Variants in PSME1 observed in about 807,000 individuals in gnomAD.
PSME1 encodes the protein proteasome activator subunit 1, also known as proteasome activator complex subunit 1.
A neutral mutation model predicts 38.4 loss-of-function variants in PSME1; 15 were observed. That is an observed-to-expected ratio of 0.39 (90% CI 0.26 to 0.60). The LOEUF is 0.60. Among genes scored for constraint, PSME1 ranks in the 20% least tolerant of loss-of-function variants. The probability of loss-of-function intolerance (pLI) is 0.53; values close to 1 mark genes in which losing one functional copy is unlikely to be tolerated. For missense variants in PSME1, 249 were observed against 305.6 expected, an observed-to-expected ratio of 0.81 and a Z score of 1.38; for synonymous variants, 106 against 106.8, an observed-to-expected ratio of 0.99 and a Z score of 0.05.
Position 24,136,293 on chromosome 14 carries a change from C to G in PSME1, c.31C>G (p.Gln11Glu), listed in dbSNP as rs867176547. ...CATGCTCAGGGTCCAGCCCGAGGCC[C>G]AAGCCAAGGTGAGCGCCGCGGGGTC... MAMLRVQPEA[Q>E]AKVDVFREDL... The change falls in exon 1 of 11, where the codon CAA becomes GAA. Residue 11 changes from glutamine to glutamate, a missense_variant. By Grantham distance (29) the Gln-to-Glu change is conservative. Transcript: ENST00000206451. The surrounding 1 kb of genome is among the most constrained non-coding windows in gnomAD (Gnocchi z 4.8). The G allele has an allele frequency of 6.5e-7, 1 of 1,528,450 alleles. No homozygotes were observed. Among genetic ancestry groups the G allele is most frequent in the Non-Finnish European group, 8.8e-7 (1 of 1,139,148 alleles). The allele number at this position is 1,528,450 out of a possible 1,614,324, so 94.7% of individuals were successfully genotyped here.
At position 24,138,460 on chromosome 14, in the gene PSME1, C is replaced by T. The variant is rs778822807; in HGVS notation, c.583-14C>T. 12 of 1,613,994 alleles carry T rather than the reference C, an allele frequency of 7.4e-6. No individual in the cohort carries two copies. The highest frequency in any genetic ancestry group is 1.6e-4 in the Middle Eastern group (1 of 6,084). ...GACACATGTAAGGTCAGGCCTGACC[C>T]GAGCTTCCCACAGGGTGATTATCGG... On this transcript the variant is annotated splice_polypyrimidine_tract_variant and intron_variant, in intron 9 of 10. Coordinates refer to ENST00000206451, the MANE Select transcript of PSME1 (RefSeq NM_006263.4).
Position 24,138,509 on chromosome 14 carries a change from G to A in PSME1, c.618G>A (p.Glu206=), listed in dbSNP as rs200480712. The A allele has an allele frequency of 1.1e-5, 17 of 1,614,030 alleles. No homozygotes were observed. In the East Asian group the frequency reaches 2.7e-4, roughly 25 times the overall value. The part of the protein sequence containing the change: ...DYRQLVHELD[E]AEYRDIRLMV... ...GGCAGCTGGTGCACGAGCTGGATGA[G>A]GCAGAGTACCGGGACATCCGGCTGA... Residue 206 remains glutamate (E), a synonymous_variant, in exon 10 of 11, where the codon GAG becomes GAA. Transcript: ENST00000206451.
chr14:24,137,909 T>A, intron 6 of PSME1, 112 bp downstream of exon 6: 1 of 1,494,076 alleles, frequency 6.7e-7, no homozygotes, highest in Non-Finnish European at 9.3e-7. Context: ...GCACAGCAAG[T>A]GAAACCAGAA....
intron 5 of PSME1, 30 bp downstream of exon 5, chr14:24,137,595 C>T (rs907762339): frequency 6.2e-7 from 1 of 1,613,518 alleles, no homozygotes; most frequent in Non-Finnish European, 8.5e-7. Flanking sequence ...TGGGAAGAGA[C>T]TTGAGTCCCA....
Position 24,138,454 on chromosome 14 carries a change from C to A in PSME1, c.583-20C>A. On this transcript the variant is annotated intron_variant, in intron 9 of 10. Transcript: ENST00000206451. ...GGGAAGGACACATGTAAGGTCAGGC[C>A]TGACCCGAGCTTCCCACAGGGTGAT... 6.2e-7 allele frequency: 1 copy of A among 1,614,148 alleles called. No homozygotes were observed.
Position 24,138,345 on chromosome 14 carries a change from G to A in PSME1, c.528G>A (p.Lys176=). 5.0e-6 allele frequency: 8 copies of A among 1,614,158 alleles called. No individual in the cohort carries two copies. Among genetic ancestry groups the A allele is most frequent in the Non-Finnish European group, 5.9e-6 (7 of 1,180,036 alleles). The stretch of plus-strand genomic sequence containing the variant: ...TCCATACACACTTCTCCTTCCACAG[G>A]TATTTCTCTGAGCGTGGTGATGCAG... ...KLEGFHTQIS[K]YFSERGDAVT... is the part of the protein sequence containing the mutation. The change falls in exon 9 of 11, where the codon AAG becomes AAA. Residue 176 remains lysine (K), a splice_region_variant and synonymous_variant. Coordinates refer to ENST00000206451, the MANE Select transcript of PSME1 (RefSeq NM_006263.4).
At position 24,136,369 on chromosome 14, in the gene PSME1, G is replaced by A. The variant is rs957039869; in HGVS notation, c.39+68G>A. 1 of 1,411,042 alleles carries A rather than the reference G, an allele frequency of 7.1e-7. No individual in the cohort carries two copies. The highest frequency in any genetic ancestry group is 1.4e-5 in the South Asian group (1 of 70,932). The allele number at this position is 1,411,042 out of a possible 1,614,324, so 87.4% of individuals were successfully genotyped here. A position where few individuals can be genotyped will look rare whatever the true frequency, so the allele number is the denominator to read the frequency against. On this transcript the variant is annotated intron_variant, in intron 1 of 10. Coordinates refer to ENST00000206451, the MANE Select transcript of PSME1 (RefSeq NM_006263.4). This position sits in a 1 kb window ranked among gnomAD's most constrained non-coding sequence, Gnocchi z 4.8. ...GGCTGGAGCGGCCGGGGGCATCCCC[G>A]ACCCGCCCCCCAGGCTCCCACGCGA...
Position 24,137,127 on chromosome 14 carries a change from C to T in PSME1, c.73-16C>T. The T allele has an allele frequency of 6.2e-7, 1 of 1,614,066 alleles. No individual in the cohort carries two copies. The highest frequency in any genetic ancestry group is 8.5e-7 in the Non-Finnish European group (1 of 1,179,932). ...ATGCTGACTCCCATCCTCCTCCACC[C>T]CCACCTCACACACAGACAGAGAACC... On this transcript the variant is annotated splice_polypyrimidine_tract_variant and intron_variant, in intron 2 of 10. Coordinates refer to ENST00000206451, the MANE Select transcript of PSME1 (RefSeq NM_006263.4).
chr14:24,137,821 C>CA, intron 6 of PSME1, 24 bp downstream of exon 6: 1 of 1,607,210 alleles, frequency 6.2e-7, no homozygotes, highest in Non-Finnish European at 8.5e-7. Flanking sequence ...CTTAAACTCT[C>CA]AGGCTTCAAG....
chr14:24,138,434 G>A (rs1340348130), intron 9 of PSME1, 35 bp downstream of exon 9: 1 of 1,614,204 alleles, frequency 6.2e-7, no homozygotes, highest in Admixed American at 1.7e-5. Context: ...CATGGGGGAA[G>A]GACACATGTA....
rs1453977889 is a variant in PSME1 at position 24,138,192 on chromosome 14, C to G, written c.460-4C>G. 1.9e-6 allele frequency: 3 copies of G among 1,614,104 alleles called. No individual in the cohort carries two copies. The highest frequency in any genetic ancestry group is 2.5e-6 in the Non-Finnish European group (3 of 1,180,010). ...CCACTTTCCCCCTTGCTTTTTTTCC[C>G]TAGGAGAAGGTGTTTGAGCTGATGA... On this transcript the variant is annotated splice_region_variant and splice_polypyrimidine_tract_variant and intron_variant, in intron 7 of 10. Transcript: ENST00000206451.
In PSME1 at chr14:24,136,332, C is replaced by G; in HGVS notation, c.39+31C>G. On this transcript the variant is annotated intron_variant, in intron 1 of 10. Transcript: ENST00000206451. The surrounding 1 kb of genome is among the most constrained non-coding windows in gnomAD (Gnocchi z 4.8). ...CGCCGCGGGGTCTAGAAAGGGCCCA[C>G]TGGGGAGGCGTGGCTGGAGCGGCCG... The G allele has an allele frequency of 6.7e-7, 1 of 1,503,558 alleles. No individual in the cohort carries two copies. Among genetic ancestry groups the G allele is most frequent in the Non-Finnish European group, 8.9e-7 (1 of 1,126,726 alleles). 93.1% of individuals were successfully genotyped at this position (1,503,558 alleles called of 1,614,324 possible).
In PSME1 at chr14:24,138,633, G is replaced by A. The variant is rs148485154; in HGVS notation, c.669+73G>A. 2.3e-4 allele frequency: 373 copies of A among 1,613,798 alleles called. 1 individual carries two copies. The East Asian group carries it at 5.3e-3, about 23-fold the overall frequency. ...GGCCACCCACTCCCTGACCCTGCAGGCTAGGGGTTAAGGGTGACAAAGCTC... is the reference window on the plus strand; with the variant it reads ...GGCCACCCACTCCCTGACCCTGCAGACTAGGGGTTAAGGGTGACAAAGCTC... On this transcript the variant is annotated intron_variant, in intron 10 of 10. Coordinates refer to ENST00000206451, the MANE Select transcript of PSME1 (RefSeq NM_006263.4).
At position 24,138,358 on chromosome 14, in the gene PSME1, C is replaced by T. The variant is rs909516360; in HGVS notation, c.541C>T (p.Arg181Cys). Residue 181 changes from arginine (R) to cysteine (C), a missense_variant, in exon 9 of 11, where the codon CGT (arginine) becomes TGT (cysteine). By Grantham distance (180) the Arg-to-Cys change is radical. Coordinates refer to ENST00000206451, the MANE Select transcript of PSME1 (RefSeq NM_006263.4). ...CTCCTTCCACAGGTATTTCTCTGAG[C>T]GTGGTGATGCAGTGACTAAAGCAGC... is the stretch of plus-strand genomic sequence containing the variant. Reference protein sequence around the residue: ...HTQISKYFSERGDAVTKAAKQ... With the variant: ...HTQISKYFSECGDAVTKAAKQ... The T allele has an allele frequency of 1.1e-5, 17 of 1,614,020 alleles. No homozygotes were observed. Among genetic ancestry groups the T allele is most frequent in the Admixed American group, 3.3e-5 (2 of 59,998 alleles).
rs2037926830 is a variant in PSME1 at position 24,137,447 on chromosome 14, C to T, written c.246+16C>T. 6.2e-7 allele frequency: 1 copy of T among 1,614,064 alleles called. No homozygotes were observed. Among genetic ancestry groups the T allele is most frequent in the African/African-American group, 1.3e-5 (1 of 75,036 alleles). On this transcript the variant is annotated intron_variant, in intron 4 of 10. Coordinates refer to ENST00000206451, the MANE Select transcript of PSME1 (RefSeq NM_006263.4). ...ACAGCAGGAGGCAAGCTGGGAAGAC[C>T]TGGGAGAAGGGATCCAACTATGGGG... is the stretch of plus-strand genomic sequence containing the variant.
chr14:24,138,388 C>A lies in PSME1; in HGVS notation c.571C>A (p.Gln191Lys). The A allele has an allele frequency of 6.2e-7, 1 of 1,614,204 alleles. No individual in the cohort carries two copies. The highest frequency in any genetic ancestry group is 8.5e-7 in the Non-Finnish European group (1 of 1,180,042). ...RGDAVTKAAK[Q>K]PHVGDYRQLV... The stretch of plus-strand genomic sequence containing the variant: ...TGATGCAGTGACTAAAGCAGCCAAG[C>A]AGCCCCATGTGGTAGGTGAGGCCCA... Residue 191 changes from glutamine (Q) to lysine (K), a missense_variant, in exon 9 of 11, where the codon CAG (glutamine) becomes AAG (lysine). Transcript: ENST00000206451.
chr14:24,138,345 G>GT lies in PSME1; in HGVS notation c.529dup (p.Tyr177LeufsTer4), dbSNP rs1291582035. 4.3e-6 allele frequency: 7 copies of GT among 1,614,158 alleles called. No individual in the cohort carries two copies. Among genetic ancestry groups the GT allele is most frequent in the Non-Finnish European group, 5.9e-6 (7 of 1,180,036 alleles). The stretch of plus-strand genomic sequence containing the variant: ...TCCATACACACTTCTCCTTCCACAG[G>GT]TATTTCTCTGAGCGTGGTGATGCAG... On this transcript the variant is annotated frameshift_variant and splice_region_variant, in exon 9 of 11. Transcript: ENST00000206451. LOFTEE classifies it high-confidence loss of function.
rs912992863 is a variant in PSME1, at chr14:24,136,235, G to C, written c.-28G>C. ...CTTCGCGGTGCCCACTCCACTCCTT[G>C]TGCGGCGCTAGGCCCCCCGTCCCGG... On this transcript the variant is annotated 5_prime_UTR_variant, in exon 1 of 11. Transcript: ENST00000206451. The surrounding 1 kb of genome is among the most constrained non-coding windows in gnomAD (Gnocchi z 4.8). The C allele has an allele frequency of 1.3e-6, 2 of 1,517,986 alleles. No individual in the cohort carries two copies. Among genetic ancestry groups the C allele is most frequent in the Non-Finnish European group, 1.8e-6 (2 of 1,133,528 alleles). 94.0% of individuals were successfully genotyped at this position (1,517,986 alleles called of 1,614,324 possible).
At position 24,138,715 on chromosome 14, in the gene PSME1, C is replaced by T. The variant is rs556156129; in HGVS notation, c.670-21C>T. The T allele has an allele frequency of 2.5e-6, 4 of 1,614,092 alleles. 1 individual carries two copies. The African/African-American group carries it at 4.0e-5, about 16-fold the overall frequency. On this transcript the variant is annotated intron_variant, in intron 10 of 10. Transcript: ENST00000206451. ...GAGCCACTGGAGGCCTCTGACTGAC[C>T]TCTACTCCCTGGCCCTGTAGGCTGT... is the stretch of plus-strand genomic sequence containing the variant.
Sources: allele counts gnomAD v4.1 joint callset, GRCh38; gene constraint gnomAD v4.1.1; non-coding constraint Gnocchi (gnomAD v3.1); transcripts MANE v1.5; gene names NCBI Gene and HGNC (gene_info 2026-07-23, HGNC 2026-07-21).